The following PIP4K2C variants were observed in gnomAD, a reference collection of about 807,000 sequenced individuals.
PIP4K2C encodes the protein phosphatidylinositol 5-phosphate 4-kinase type-2 gamma.
A neutral mutation model predicts 45.0 loss-of-function variants in PIP4K2C; 21 were observed. The observed-to-expected ratio is 0.47, with a 90% confidence interval of 0.33 to 0.67. The LOEUF is 0.67. PIP4K2C is among the 30% of genes least tolerant of loss of function. The probability of loss-of-function intolerance (pLI) is 0.02; values close to 1 mark genes in which losing one functional copy is unlikely to be tolerated. For synonymous variants in PIP4K2C, 201 were observed against 204.8 expected, an observed-to-expected ratio of 0.98 and a Z score of 0.16; for missense variants, 456 against 542.8, an observed-to-expected ratio of 0.84 and a Z score of 1.59.
intron 1 of PIP4K2C, among the ~76,000 whole-genome samples, chr12:57,593,403 C>T (rs541061255): frequency 1.3e-5 from 2 of 152,222 alleles, no homozygotes; most frequent in South Asian, 4.1e-4. Context: ...CTAATGAGCT[C>T]ATATCCTCTG....
chr12:57,598,287 G>A (rs1883276055), intron 4 of PIP4K2C, among the ~76,000 whole-genome samples: 2 of 152,048 alleles, frequency 1.3e-5, no homozygotes, highest in Admixed American at 1.3e-4. Flanking sequence ...TTGGGAGGCC[G>A]AGGTGGGCAG....
intron 7 of PIP4K2C, 27 bp downstream of exon 7, chr12:57,600,464 G>T: frequency 6.6e-7 from 1 of 1,511,202 alleles, no homozygotes; most frequent in Non-Finnish European, 9.2e-7. Flanking sequence ...CTGGGAAATG[G>T]CTTTCCTTTT....
At chr12:57,594,234 T>C in intron 2 of PIP4K2C, 112 bp downstream of exon 2, 2 of 841,336 alleles carry the variant, frequency 2.4e-6, no homozygotes, top group Non-Finnish European at 3.7e-6. Flanking sequence ...ATGCAGAAAT[T>C]AGTTTTGTGC....
At position 57,594,053 on chromosome 12, in the gene PIP4K2C, C is replaced by T. The variant is rs769976546; in HGVS notation, c.203C>T (p.Pro68Leu). 18 of 1,613,862 alleles carry T rather than the reference C, an allele frequency of 1.1e-5. No homozygotes were observed. The highest frequency in any genetic ancestry group is 3.3e-5 in the South Asian group (3 of 91,062). Residue 68 changes from proline to leucine, a missense_variant, in exon 2 of 10, where the codon CCG becomes CTG. Pro to Leu is a moderately conservative substitution (Grantham distance 98). This residue lies in a region of PIP4K2C where 421 missense variants were observed against 473.1 expected (regional missense o/e 0.89). Coordinates refer to ENST00000354947, the MANE Select transcript of PIP4K2C (RefSeq NM_024779.5). ...AATGAGCTCAGCCAGGTGCCTCCCC[C>T]GGTGATGCTGCTGCCAGATGACTTT... ...SINELSQVPP[P>L]VMLLPDDFKA...
intron 4 of PIP4K2C, among the ~76,000 whole-genome samples, chr12:57,598,414 G>A (rs1346614220): frequency 2.0e-5 from 3 of 151,662 alleles, no homozygotes; most frequent in African/African-American, 7.3e-5. Context: ...CCAGCTACTC[G>A]GGAGGCTGAG....
At chr12:57,599,558 T>C in intron 6 of PIP4K2C, 120 bp downstream of exon 6, 2 of 1,134,132 alleles carry the variant, frequency 1.8e-6, no homozygotes, top group Admixed American at 2.0e-5. Flanking sequence ...CTATTTATTA[T>C]CTTAAACCAC....
rs377694265 is a variant in PIP4K2C at position 57,594,049 on chromosome 12, C to T, written c.199C>T (p.Pro67Ser). Reference sequence around the variant, plus strand: ...GATCAATGAGCTCAGCCAGGTGCCTCCCCCGGTGATGCTGCTGCCAGATGA... The same window carrying T: ...GATCAATGAGCTCAGCCAGGTGCCTTCCCCGGTGATGCTGCTGCCAGATGA... ...HSINELSQVP[P>S]PVMLLPDDFK... The change falls in exon 2 of 10, where the codon CCC (proline) becomes TCC (serine). Residue 67 changes from proline to serine, a missense_variant. Physicochemically the swap from Pro to Ser is moderately conservative, Grantham distance 74 (BLOSUM62 -1). Around this residue, in one of 2 missense-constraint regions of PIP4K2C, gnomAD observed 421 missense variants for 473.1 expected, o/e 0.89. Coordinates refer to ENST00000354947, the MANE Select transcript of PIP4K2C (RefSeq NM_024779.5). 5 of 1,613,634 alleles carry T rather than the reference C, an allele frequency of 3.1e-6. No individual in the cohort carries two copies. The African/African-American group carries it at 6.7e-5, about 22-fold the overall frequency.
chr12:57,595,171 G>C lies in PIP4K2C; in HGVS notation c.318G>C (p.Gln106His), dbSNP rs199848541. Residue 106 changes from glutamine to histidine, a missense_variant, in exon 3 of 10, where the codon CAG becomes CAC. Gln to His is a conservative substitution (Grantham distance 24, BLOSUM62 0). Transcript: ENST00000354947. ...TCAAGTTCAAGGAGTATTGTCCCCA[G>C]GTCTTCAGGAACCTCCGTGATCGAT... ...SHFKFKEYCP[Q>H]VFRNLRDRFG... is the part of the protein sequence containing the mutation. The C allele has an allele frequency of 1.9e-6, 3 of 1,612,854 alleles. No homozygotes were observed. The highest frequency in any genetic ancestry group is 2.5e-6 in the Non-Finnish European group (3 of 1,178,876).
intron 8 of PIP4K2C, 33 bp from the exon 9 acceptor site, chr12:57,601,212 A>C (rs755453569): frequency 6.2e-7 from 1 of 1,600,116 alleles, no homozygotes; most frequent in Non-Finnish European, 8.5e-7. Flanking sequence ...AATTGGAACT[A>C]AACCTACTCT....
intron 8 of PIP4K2C, 67 bp downstream of exon 8, chr12:57,601,145 T>TG (rs1883418993): frequency 6.3e-7 from 1 of 1,599,680 alleles, no homozygotes; most frequent in Non-Finnish European, 8.5e-7. Flanking sequence ...ACCAGAGTGC[T>TG]GGGGGAGAGC....
At chr12:57,599,043 C>G in intron 4 of PIP4K2C, 22 bp from the exon 5 acceptor site, 1 of 1,611,504 alleles carries the variant, frequency 6.2e-7, no homozygotes, top group Non-Finnish European at 8.5e-7. Context: ...TCTCCCCATT[C>G]CTTCCCCCTC....
Position 57,591,252 on chromosome 12 carries a change from C to T in PIP4K2C, c.-38C>T, listed in dbSNP as rs758870417. 30 of 1,568,864 alleles carry T rather than the reference C, an allele frequency of 1.9e-5. No individual in the cohort carries two copies. The highest frequency in any genetic ancestry group is 1.8e-4 in the Middle Eastern group (1 of 5,632). Reference sequence around the variant, plus strand: ...CGGGGTCGGGCGCCTGGATAGCTGCCGGCTCCGGCTTCCACTTGGTCGGTT... The same window carrying T: ...CGGGGTCGGGCGCCTGGATAGCTGCTGGCTCCGGCTTCCACTTGGTCGGTT... On this transcript the variant is annotated 5_prime_UTR_variant, in exon 1 of 10. Coordinates refer to ENST00000354947, the MANE Select transcript of PIP4K2C (RefSeq NM_024779.5).
At chr12:57,596,409 C>T (rs1013080171) in intron 4 of PIP4K2C, among the ~76,000 whole-genome samples, 2 of 151,414 alleles carry the variant, frequency 1.3e-5, no homozygotes, top group Non-Finnish European at 2.9e-5. Context: ...CACTTGAACC[C>T]GGGAAGCGGA....
chr12:57,595,052 G>C (rs1883128763), intron 2 of PIP4K2C, 74 bp from the exon 3 acceptor site: 2 of 923,336 alleles, frequency 2.2e-6, no homozygotes, highest in African/African-American at 1.6e-5. Flanking sequence ...TATGTCTGAA[G>C]GTACTTTATA....
At chr12:57,593,885 C>T (rs1594936317) in intron 1 of PIP4K2C, 140 bp from the exon 2 acceptor site, 2 of 591,172 alleles carry the variant, frequency 3.4e-6, no homozygotes, top group East Asian at 5.7e-5. Flanking sequence ...TCTCTCACTT[C>T]TGTCAAGCAT....
chr12:57,593,961 CAG>C, intron 1 of PIP4K2C, 62 bp from the exon 2 acceptor site: 1 of 1,236,746 alleles, frequency 8.1e-7, no homozygotes, highest in Non-Finnish European at 1.2e-6. Context: ...TGCCCAGACA[CAG>C]TGTATGGGTA....
rs1160445549 is a variant in PIP4K2C, at chr12:57,601,519, C to T, written c.1186-7C>T. ...CCTGACATATTGTTCCGTATCTCCT[C>T]TCACAGGCTGGGGCAGAGATCTCTA... On this transcript the variant is annotated splice_polypyrimidine_tract_variant and splice_region_variant and intron_variant, in intron 9 of 9. Transcript: ENST00000354947. 1.2e-6 allele frequency: 2 copies of T among 1,611,568 alleles called. No homozygotes were observed. The highest frequency in any genetic ancestry group is 1.7e-6 in the Non-Finnish European group (2 of 1,177,702).
At chr12:57,598,456 G>A (rs1045096532) in intron 4 of PIP4K2C, among the ~76,000 whole-genome samples, 6 of 150,894 alleles carry the variant, frequency 4.0e-5, no homozygotes, top group South Asian at 4.2e-4. Context: ...GGGAGGAGGC[G>A]GGGGTTACAG....
At position 57,603,297 on chromosome 12, in the gene PIP4K2C, T is replaced by C. The variant is rs1324580087; in HGVS notation, c.*1691T>C. The C allele has an allele frequency of 7.2e-5, 11 of 152,818 alleles. 1 individual carries two copies. In the South Asian group the frequency reaches 1.7e-3, roughly 23 times the overall value. 9.5% of individuals were successfully genotyped at this position (152,818 alleles called of 1,614,324 possible). ...TTCTGATCATATGGCTGATGTGTTA[T>C]GGGCAGTATGGATGTCTTCATTTGT... On this transcript the variant is annotated 3_prime_UTR_variant, in exon 10 of 10. Coordinates refer to ENST00000354947, the MANE Select transcript of PIP4K2C (RefSeq NM_024779.5).
Sources: gnomAD v4.1 joint callset for allele counts (sites outside exome capture counted in the v4.1 genomes callset) on GRCh38, gnomAD v4.1.1 for gene constraint, gnomAD v4.1.1 regional missense constraint, MANE v1.5 for transcripts, NCBI Gene and HGNC (gene_info 2026-07-23, HGNC 2026-07-21) for gene names.